Variants in PDE4B observed in about 807,000 individuals in gnomAD.
PDE4B encodes 3',5'-cyclic-AMP phosphodiesterase 4B.
PDE4B carries 20 observed loss-of-function variants against 82.2 expected under a neutral mutation model. The observed-to-expected ratio is 0.24, with a 90% CI of 0.17 to 0.35. PDE4B has a LOEUF of 0.35. Among genes scored for constraint, PDE4B ranks in the 10% least tolerant of loss-of-function variants. The pLI, the probability that PDE4B is intolerant of heterozygous loss-of-function variation, is 1.00. For synonymous variants in PDE4B, 320 were observed against 318.9 expected (o/e 1.00, Z -0.04); for missense variants, 655 against 907.2 (o/e 0.72, Z 3.57).
At chr1:65,918,961 T>C in intron 3 of PDE4B, 126 bp downstream of exon 3, 1 of 651,330 alleles carries the variant, frequency 1.5e-6, no homozygotes, top group Non-Finnish European at 2.7e-6. Context: ...TTTTGAGAAT[T>C]CGTTTCCCTT....
intron 12 of PDE4B, among the ~76,000 whole-genome samples, chr1:66,365,084 C>T (rs1045242454): frequency 6.6e-6 from 1 of 152,106 alleles, no homozygotes; most frequent in Non-Finnish European, 1.5e-5. Context: ...GCAGTGGGGC[C>T]TCAGGTTTCA....
At chr1:66,066,482 C>T (rs1190872957) in intron 3 of PDE4B, among the ~76,000 whole-genome samples, 6 of 151,782 alleles carry the variant, frequency 4.0e-5, no homozygotes, top group Admixed American at 2.0e-4. Flanking sequence ...AAGCTGATTT[C>T]GCCTTTGAAT....
chr1:65,929,342 A>G (rs923544638), intron 3 of PDE4B, among the ~76,000 whole-genome samples: 7 of 152,162 alleles, frequency 4.6e-5, no homozygotes, highest in Non-Finnish European at 1.0e-4. Flanking sequence ...GGCAAAAAAG[A>G]TTCATCAGAG....
chr1:66,107,427 A>G (rs1009713693), intron 3 of PDE4B, among the ~76,000 whole-genome samples: 2 of 151,862 alleles, frequency 1.3e-5, no homozygotes, highest in Non-Finnish European at 1.5e-5. Flanking sequence ...AAAAATTATC[A>G]TGTATTCTGA....
intron 7 of PDE4B, among the ~76,000 whole-genome samples, chr1:66,291,808 A>G (rs570368048): frequency 3.9e-5 from 6 of 152,214 alleles, no homozygotes; most frequent in African/African-American, 1.2e-4. Flanking sequence ...AAATTCCCAG[A>G]TAATTGAGGT....
intron 1 of PDE4B, among the ~76,000 whole-genome samples, chr1:65,838,573 G>A (rs1229990783): frequency 1.4e-5 from 2 of 142,218 alleles, no homozygotes; most frequent in African/African-American, 5.1e-5. Context: ...ATGTATATAT[G>A]TATATGTGTA....
intron 1 of PDE4B, among the ~76,000 whole-genome samples, chr1:65,890,549 A>G (rs1218227730): frequency 2.0e-5 from 3 of 152,068 alleles, no homozygotes; most frequent in African/African-American, 4.8e-5. Context: ...CTTAATCTCA[A>G]TGTACTTTCA....
chr1:66,262,759 A>G (rs1014752186), intron 6 of PDE4B, among the ~76,000 whole-genome samples: 1 of 152,218 alleles, frequency 6.6e-6, no homozygotes, highest in Non-Finnish European at 1.5e-5. Context: ...CCAAATAAAC[A>G]TGGTCCCTGC....
At chr1:65,907,010 A>T (rs981283635) in intron 1 of PDE4B, among the ~76,000 whole-genome samples, 2 of 152,126 alleles carry the variant, frequency 1.3e-5, no homozygotes, top group Non-Finnish European at 2.9e-5. Flanking sequence ...AATTGAAAAA[A>T]CTGATTCTTC....
At position 66,367,846 on chromosome 1, in the gene PDE4B, A is replaced by G; in HGVS notation, c.1535A>G (p.Asp512Gly). ...CAGACACTCAGGAAGATGGTTATTG[A>G]CATGGTAAGACTTTAGCCTCTCTAC... ...QRQTLRKMVI[D>G]MVLATDMSKH... The change falls in exon 14 of 17, where the codon GAC becomes GGC. Residue 512 changes from aspartate to glycine, a missense_variant. By Grantham distance (94) the Asp-to-Gly change is moderately conservative. This residue lies in a region of PDE4B where 283 missense variants were observed against 516.4 expected (regional missense o/e 0.55). Transcript: ENST00000341517. 6.2e-7 allele frequency: 1 copy of G among 1,613,430 alleles called. No individual in the cohort carries two copies. Among genetic ancestry groups the G allele is most frequent in the Non-Finnish European group, 8.5e-7 (1 of 1,179,574 alleles).
intron 3 of PDE4B, chr1:66,062,758 TGTTA>T (rs540088383): frequency 7.2e-4 from 110 of 152,238 alleles, no homozygotes; most frequent in African/African-American, 2.5e-3. Flanking sequence ...GATTGATTTG[TGTTA>T]GTTTTCTAAA....
intron 3 of PDE4B, among the ~76,000 whole-genome samples, chr1:66,127,573 A>T (rs1018460799): frequency 6.6e-6 from 1 of 152,180 alleles, no homozygotes; most frequent in Non-Finnish European, 1.5e-5. Context: ...TATCAGAATT[A>T]GTCTTAACCT....
chr1:66,050,941 A>G (rs750956645), intron 3 of PDE4B, among the ~76,000 whole-genome samples: 1 of 152,180 alleles, frequency 6.6e-6, no homozygotes, highest in Non-Finnish European at 1.5e-5. Flanking sequence ...GAAGGACTGA[A>G]TTAAGAAAAG....
At chr1:66,355,434 C>A (rs958545021) in intron 8 of PDE4B, 93 bp from the exon 9 acceptor site, 4 of 697,132 alleles carry the variant, frequency 5.7e-6, no homozygotes, top group African/African-American at 5.4e-5. Flanking sequence ...GCTCATCCAA[C>A]CTCTTGATTC....
chr1:65,985,822 A>G (rs1650928719), intron 3 of PDE4B, among the ~76,000 whole-genome samples: 1 of 152,196 alleles, frequency 6.6e-6, no homozygotes, highest in Non-Finnish European at 1.5e-5. Context: ...TTACTCTGCT[A>G]AAACCAGAAA....
chr1:66,354,756 A>G (rs1662102820), intron 8 of PDE4B: 1 of 1,497,598 alleles, frequency 6.7e-7, no homozygotes, highest in African/African-American at 1.4e-5. Flanking sequence ...CTGAATCTGC[A>G]GGGCTTTCCT....
chr1:66,088,233 A>G (rs573657523), intron 3 of PDE4B, among the ~76,000 whole-genome samples: 2 of 152,172 alleles, frequency 1.3e-5, no homozygotes, highest in East Asian at 3.9e-4. Context: ...GTGCTATGTC[A>G]ACTCAGACAA....
chr1:65,965,247 C>T (rs572881686), intron 3 of PDE4B, among the ~76,000 whole-genome samples: 15 of 134,130 alleles, frequency 1.1e-4, no homozygotes, highest in South Asian at 9.6e-4. Flanking sequence ...GGCATTTCCT[C>T]CCCCCCCCAT....
intron 3 of PDE4B, among the ~76,000 whole-genome samples, chr1:65,975,791 A>G (rs1318373944): frequency 1.3e-5 from 2 of 152,188 alleles, no homozygotes; most frequent in Non-Finnish European, 2.9e-5. Context: ...GGTGGCTTCC[A>G]TCTGGTGTTG....
Sources: allele counts gnomAD v4.1 joint callset (sites outside exome capture counted in the v4.1 genomes callset), GRCh38; gene constraint gnomAD v4.1.1; regional missense constraint gnomAD v4.1.1; transcripts MANE v1.5; gene names NCBI Gene and HGNC (gene_info 2026-07-23, HGNC 2026-07-21).